OSBPL1A: variants seen among roughly 807,000 people sequenced by gnomAD.
OSBPL1A encodes oxysterol binding protein like 1A.
A neutral mutation model predicts 137.1 loss-of-function variants in OSBPL1A; 80 were observed. The observed-to-expected ratio is 0.58, with a 90% CI of 0.49 to 0.70. The LOEUF is 0.70. Ranked by LOEUF, OSBPL1A falls within the 30% of genes least tolerant of loss-of-function variation. OSBPL1A has a pLI of 0.00. For missense variants in OSBPL1A, 970 were observed against 1,129.4 expected (o/e 0.86, Z 2.02); for synonymous variants, 365 against 389.7 (o/e 0.94, Z 0.75).
intron 17 of OSBPL1A, among the ~76,000 whole-genome samples, chr18:24,215,388 A>C (rs965659644): frequency 4.6e-5 from 7 of 152,228 alleles, no homozygotes; most frequent in Non-Finnish European, 8.8e-5. Flanking sequence ...CATTTTATGC[A>C]ATCAATGTGT....
At chr18:24,237,708 G>A (rs182095101) in intron 16 of OSBPL1A, among the ~76,000 whole-genome samples, 121 of 152,262 alleles carry the variant, frequency 7.9e-4, no homozygotes, top group African/African-American at 2.6e-3. Flanking sequence ...CATCCCTCTT[G>A]TAATTTTCCT....
chr18:24,388,730 G>GA, intron 1 of OSBPL1A, among the ~76,000 whole-genome samples: 1 of 149,922 alleles, frequency 6.7e-6, no homozygotes, highest in Non-Finnish European at 1.5e-5. Flanking sequence ...AACCCAGGAG[G>GA]TGGAGGCTGC....
intron 16 of OSBPL1A, among the ~76,000 whole-genome samples, chr18:24,238,979 T>A (rs2088591554): frequency 6.6e-6 from 1 of 152,220 alleles, no homozygotes; most frequent in South Asian, 2.1e-4. Context: ...TAACCTAGCC[T>A]AGAATACATC....
At chr18:24,192,418 A>C (rs927935432) in intron 18 of OSBPL1A, among the ~76,000 whole-genome samples, 2 of 152,248 alleles carry the variant, frequency 1.3e-5, no homozygotes, top group Admixed American at 6.5e-5. Flanking sequence ...ATTAGTTCTC[A>C]GGAGCCGGAG....
intron 13 of OSBPL1A, among the ~76,000 whole-genome samples, chr18:24,309,961 C>T (rs919628264): frequency 3.3e-5 from 5 of 149,808 alleles, no homozygotes; most frequent in Non-Finnish European, 7.4e-5. Context: ...GCGAGAAGAT[C>T]GCTTGAACCC....
intron 5 of OSBPL1A, among the ~76,000 whole-genome samples, chr18:24,338,610 A>G (rs1283277582): frequency 6.6e-6 from 1 of 152,194 alleles, no homozygotes; most frequent in Non-Finnish European, 1.5e-5. Context: ...CCCAAGTAAC[A>G]GCTCTCAGGT....
At chr18:24,165,933 C>T (rs925379166) in intron 26 of OSBPL1A, among the ~76,000 whole-genome samples, 52 of 152,168 alleles carry the variant, frequency 3.4e-4, no homozygotes, top group African/African-American at 1.1e-3. Flanking sequence ...CCCATTTCCA[C>T]GAAAAATACA....
intron 4 of OSBPL1A, among the ~76,000 whole-genome samples, chr18:24,363,595 T>C (rs2091659152): frequency 6.6e-6 from 1 of 151,396 alleles, no homozygotes; most frequent in African/African-American, 2.4e-5. Flanking sequence ...TACAGGAGTA[T>C]GCCACCACAT....
intron 21 of OSBPL1A, among the ~76,000 whole-genome samples, chr18:24,173,473 C>A (rs1023344587): frequency 4.5e-4 from 69 of 152,158 alleles, no homozygotes; most frequent in Admixed American, 2.6e-4. Flanking sequence ...AATGCAGTGG[C>A]GTGATCTCGG....
intron 15 of OSBPL1A, among the ~76,000 whole-genome samples, chr18:24,256,004 A>C (rs1306794801): frequency 6.6e-6 from 1 of 152,154 alleles, no homozygotes; most frequent in Non-Finnish European, 1.5e-5. Flanking sequence ...CATGTTGGCC[A>C]GGCTGGTCTC....
At chr18:24,353,698 G>A (rs2091484189) in intron 4 of OSBPL1A, among the ~76,000 whole-genome samples, 4 of 151,550 alleles carry the variant, frequency 2.6e-5, no homozygotes, top group Admixed American at 1.3e-4. Flanking sequence ...ACTGGATTAA[G>A]AAAATGTGGC....
rs557529935 is a variant in OSBPL1A at position 24,237,860 on chromosome 18, A to G, written c.1444+1360T>C. ...CCTTGCCTTGTCACTCATTCCATCGATCTCAAATCCTACCTTCTCTTCCCA... is the reference window on the plus strand; with the variant it reads ...CCTTGCCTTGTCACTCATTCCATCGGTCTCAAATCCTACCTTCTCTTCCCA... On this transcript the variant is annotated intron_variant, in intron 16 of 27. Coordinates refer to ENST00000319481, the MANE Select transcript of OSBPL1A (RefSeq NM_080597.4). 2.4e-4 allele frequency among the ~76,000 whole-genome samples: 36 copies of G among 152,128 alleles called. No individual in the cohort carries two copies. In the South Asian group the frequency reaches 7.5e-3, roughly 32 times the overall value.
chr18:24,203,577 G>A (rs1056918025), intron 17 of OSBPL1A, among the ~76,000 whole-genome samples: 7 of 152,118 alleles, frequency 4.6e-5, no homozygotes, highest in Non-Finnish European at 1.0e-4. Flanking sequence ...TCTCACACAC[G>A]CTGGTTTTAT....
chr18:24,270,285 T>G (rs1217645432), intron 15 of OSBPL1A, among the ~76,000 whole-genome samples: 1 of 152,230 alleles, frequency 6.6e-6, no homozygotes, highest in East Asian at 1.9e-4. Context: ...TTCTCAGTTA[T>G]GCACAATATT....
intron 17 of OSBPL1A, among the ~76,000 whole-genome samples, chr18:24,198,409 TTC>T (rs1427936562): frequency 6.6e-6 from 1 of 152,242 alleles, no homozygotes; most frequent in Non-Finnish European, 1.5e-5. Context: ...GCACAAAACT[TTC>T]TGTGATTTTA....
intron 15 of OSBPL1A, among the ~76,000 whole-genome samples, chr18:24,275,347 A>G (rs1381224630): frequency 2.0e-5 from 3 of 152,120 alleles, no homozygotes. Context: ...AACTGGAGTG[A>G]AGAGTGGTAG....
chr18:24,367,772 G>GA (rs1048762833), intron 3 of OSBPL1A: 1 of 151,870 alleles, frequency 6.6e-6, no homozygotes, highest in Non-Finnish European at 1.5e-5. Context: ...AAGTTTTGAG[G>GA]AAAAAAGATG....
At chr18:24,373,011 G>A (rs1446411422) in intron 2 of OSBPL1A, among the ~76,000 whole-genome samples, 2 of 151,998 alleles carry the variant, frequency 1.3e-5, no homozygotes, top group Non-Finnish European at 2.9e-5. Context: ...AGGTTGCAGT[G>A]AGCCAAGATT....
chr18:24,199,450 C>T (rs144337009), intron 17 of OSBPL1A, among the ~76,000 whole-genome samples: 134 of 152,036 alleles, frequency 8.8e-4, no homozygotes, highest in African/African-American at 3.1e-3. Context: ...CACTGATTGA[C>T]GTGACATAAG....
Sources: gnomAD v4.1 joint callset for allele counts (sites outside exome capture counted in the v4.1 genomes callset) on GRCh38, gnomAD v4.1.1 for gene constraint, MANE v1.5 for transcripts, NCBI Gene and HGNC (gene_info 2026-07-23, HGNC 2026-07-21) for gene names.